Variants in PIBF1 observed in about 807,000 individuals in gnomAD.
PIBF1 encodes progesterone-induced-blocking factor 1.
In PIBF1, 90 loss-of-function variants were observed where a neutral mutation model predicts 112.5. The ratio of observed to expected loss-of-function variants is 0.80; its 90% confidence interval spans 0.67 to 0.95. The LOEUF (loss-of-function observed/expected upper bound fraction) is 0.95, where lower values mean the gene tolerates loss of function less well. Among genes scored for constraint, PIBF1 ranks in the 40% least tolerant of loss-of-function variants. PIBF1 has a pLI of 0.00. For synonymous variants in PIBF1, 301 were observed against 288.6 expected, an observed-to-expected ratio of 1.04 and a Z score of -0.44; for missense variants, 915 against 852.3, an observed-to-expected ratio of 1.07 and a Z score of -0.92.
rs1555292136 is a variant in PIBF1 at position 72,828,045 on chromosome 13, C to CTTATGTTATTTTATT, written c.1097+135_1097+136insGTTATTTTATTTTAT. ...CTATATGATAATACTAAGATAATAC[C>CTTATGTTATTTTATT]TTATTTTATTTTATTTTATTTTATT... is the stretch of plus-strand genomic sequence containing the variant. On this transcript the variant is annotated intron_variant, in intron 8 of 17. Coordinates refer to ENST00000326291, the MANE Select transcript of PIBF1 (RefSeq NM_006346.4). 10 of 341,226 alleles carry CTTATGTTATTTTATT rather than the reference C, an allele frequency of 2.9e-5. No individual in the cohort carries two copies. In the Admixed American group the frequency reaches 5.0e-4, roughly 17 times the overall value. The allele number at this position is 341,226 out of a possible 1,614,324, so 21.1% of individuals were successfully genotyped here. A position where few individuals can be genotyped will look rare whatever the true frequency, so the allele number is the denominator to read the frequency against.
intron 14 of PIBF1, among the ~76,000 whole-genome samples, chr13:72,942,406 C>G (rs538599761): frequency 7.9e-5 from 12 of 152,060 alleles, no homozygotes; most frequent in Non-Finnish European, 1.6e-4. Flanking sequence ...AGACTTTAGG[C>G]AGTGATTTTT....
chr13:72,859,071 G>A (rs1460928227), intron 10 of PIBF1, among the ~76,000 whole-genome samples: 1 of 151,938 alleles, frequency 6.6e-6, no homozygotes, highest in African/African-American at 2.4e-5. Context: ...ATTGTCAGAC[G>A]TGATGTTTCT....
chr13:72,996,767 T>C (rs2043687539), intron 16 of PIBF1, among the ~76,000 whole-genome samples: 1 of 144,250 alleles, frequency 6.9e-6, no homozygotes, highest in Non-Finnish European at 1.5e-5. Context: ...ACCCTGTCTC[T>C]AAAAAAAAAA....
chr13:72,972,468 A>C (rs2042920809), intron 15 of PIBF1, among the ~76,000 whole-genome samples: 1 of 152,208 alleles, frequency 6.6e-6, no homozygotes, highest in Non-Finnish European at 1.5e-5. Flanking sequence ...ATTCGAGACC[A>C]GCCTGGCCAG....
chr13:72,895,936 G>T (rs892784737), intron 11 of PIBF1, among the ~76,000 whole-genome samples: 1 of 152,140 alleles, frequency 6.6e-6, no homozygotes, highest in Non-Finnish European at 1.5e-5. Flanking sequence ...GTGTTGGGGG[G>T]AGCCAGTGGG....
Position 72,931,207 on chromosome 13 carries a change from C to T in PIBF1, c.1773C>T (p.Asn591=), listed in dbSNP as rs1262226665. 3.1e-6 allele frequency: 5 copies of T among 1,613,008 alleles called. No individual in the cohort carries two copies. In the African/African-American group the frequency reaches 6.7e-5, roughly 22 times the overall value. Residue 591 remains asparagine, a synonymous_variant, in exon 14 of 18, where the codon AAC becomes AAT. Coordinates refer to ENST00000326291, the MANE Select transcript of PIBF1 (RefSeq NM_006346.4). ...GAGTGCTTCAATTAGAAAAACAAAA[C>T]TCGCTGATTTTAAAAGATCTGGAAC... ...ARRVLQLEKQ[N]SLILKDLEHR...
intron 8 of PIBF1, among the ~76,000 whole-genome samples, chr13:72,830,340 C>T (rs544742960): frequency 2.0e-5 from 3 of 152,272 alleles, no homozygotes; most frequent in Non-Finnish European, 4.4e-5. Context: ...GAGAGGGCAT[C>T]CTTGTCTTGT....
At chr13:72,817,303 C>T (rs2036320033) in intron 5 of PIBF1, among the ~76,000 whole-genome samples, 1 of 152,116 alleles carries the variant, frequency 6.6e-6, no homozygotes, top group Admixed American at 6.5e-5. Flanking sequence ...TCATTACATC[C>T]ATAGTAATTG....
At chr13:72,911,230 G>C (rs1196367799) in intron 12 of PIBF1, among the ~76,000 whole-genome samples, 1 of 152,084 alleles carries the variant, frequency 6.6e-6, no homozygotes, top group African/African-American at 2.4e-5. Context: ...TGCACTACCT[G>C]TTTTCAAGAT....
At chr13:72,938,251 G>A (rs2041924382) in intron 14 of PIBF1, among the ~76,000 whole-genome samples, 1 of 151,918 alleles carries the variant, frequency 6.6e-6, no homozygotes, top group African/African-American at 2.4e-5. Flanking sequence ...CGATTTAGTA[G>A]CTCATGGTAT....
In PIBF1 at chr13:72,998,810, A is replaced by G. The variant is rs779394486; in HGVS notation, c.2050-12A>G. Reference sequence around the variant, plus strand: ...ACTCTTGCTACTTTCTTCTGTTTTCATATATCAACAGGAATTGGCAGCAAT... The same window carrying G: ...ACTCTTGCTACTTTCTTCTGTTTTCGTATATCAACAGGAATTGGCAGCAAT... On this transcript the variant is annotated splice_polypyrimidine_tract_variant and intron_variant, in intron 16 of 17. Coordinates refer to ENST00000326291, the MANE Select transcript of PIBF1 (RefSeq NM_006346.4). 4.4e-6 allele frequency: 7 copies of G among 1,601,038 alleles called. No individual in the cohort carries two copies. The highest frequency in any genetic ancestry group is 3.3e-4 in the Middle Eastern group (2 of 5,998).
chr13:72,897,345 G>C (rs4142379), intron 11 of PIBF1, among the ~76,000 whole-genome samples: 1 of 151,632 alleles, frequency 6.6e-6, no homozygotes, highest in African/African-American at 2.4e-5. Context: ...AAACAAAATT[G>C]CTTCAAAGCA....
At chr13:72,866,342 CA>C (rs2038927767) in intron 10 of PIBF1, among the ~76,000 whole-genome samples, 1 of 152,116 alleles carries the variant, frequency 6.6e-6, no homozygotes, top group Non-Finnish European at 1.5e-5. Flanking sequence ...TTCAACCTAC[CA>C]CATATACCTT....
intron 10 of PIBF1, among the ~76,000 whole-genome samples, chr13:72,873,899 G>T (rs2039281766): frequency 6.6e-6 from 1 of 152,148 alleles, no homozygotes; most frequent in Non-Finnish European, 1.5e-5. Flanking sequence ...AAGAAGACAA[G>T]CTACTCAATT....
chr13:72,957,995 G>A (rs1335753443), intron 14 of PIBF1, among the ~76,000 whole-genome samples: 1 of 151,712 alleles, frequency 6.6e-6, no homozygotes, highest in Non-Finnish European at 1.5e-5. Context: ...TTAGCCAGTT[G>A]TTGTGGCATG....
intron 17 of PIBF1, among the ~76,000 whole-genome samples, chr13:73,003,519 G>C (rs1332357308): frequency 6.6e-6 from 1 of 152,052 alleles, no homozygotes; most frequent in African/African-American, 2.4e-5. Flanking sequence ...GCCTCCCAAA[G>C]TGCTGGGATT....
At chr13:72,907,646 A>G (rs2040746914) in intron 11 of PIBF1, among the ~76,000 whole-genome samples, 1 of 152,100 alleles carries the variant, frequency 6.6e-6, no homozygotes, top group Admixed American at 6.6e-5. Context: ...GCCATATTGA[A>G]ATCCAAATTT....
intron 9 of PIBF1, among the ~76,000 whole-genome samples, chr13:72,842,940 T>C (rs1393887959): frequency 6.6e-6 from 1 of 152,210 alleles, no homozygotes; most frequent in Admixed American, 6.5e-5. Flanking sequence ...CACTGCTTCA[T>C]TAATAATACT....
At chr13:72,987,948 C>T (rs771362113) in intron 16 of PIBF1, among the ~76,000 whole-genome samples, 6 of 140,338 alleles carry the variant, frequency 4.3e-5, no homozygotes, top group East Asian at 2.1e-4. Context: ...CTGCAACCTC[C>T]GCCCCCCGGG....
Sources: gnomAD v4.1 joint callset for allele counts (sites outside exome capture counted in the v4.1 genomes callset) on GRCh38, gnomAD v4.1.1 for gene constraint, MANE v1.5 for transcripts, NCBI Gene and HGNC (gene_info 2026-07-23, HGNC 2026-07-21) for gene names.